The following SYBU variants were observed in gnomAD, a reference collection of about 807,000 sequenced individuals.
The protein encoded by SYBU is syntabulin.
In SYBU, 21 loss-of-function variants were observed where a neutral mutation model predicts 35.9. The ratio of observed to expected loss-of-function variants is 0.58; its 90% CI spans 0.41 to 0.84. SYBU has a LOEUF of 0.84. Among genes scored for constraint, SYBU ranks in the 40% least tolerant of loss-of-function variants. The pLI, the probability that SYBU is intolerant of heterozygous loss-of-function variation, is 0.00. For missense variants in SYBU, 768 were observed against 848.2 expected (o/e 0.91, Z 1.17); for synonymous variants, 319 against 324.3 (o/e 0.98, Z 0.18).
Position 109,659,187 on chromosome 8 carries a change from T to C in SYBU, c.-129+21524A>G, listed in dbSNP as rs114057004. ...AGCCATTAGAAGATGTGTGATGACT[T>C]TTCCAGTAATGTGGCTCAGCTTACA... On this transcript the variant is annotated intron_variant, in intron 1 of 5. Coordinates refer to the SYBU transcript ENST00000408889. Among the ~76,000 whole-genome samples the C allele has an allele frequency of 7.1e-3, 1,082 of 152,290 alleles. 10 individuals carry two copies. The highest frequency in any genetic ancestry group is 0.024 in the African/African-American group (983 of 41,562).
At chr8:109,600,063 G>T (rs750399941) in intron 3 of SYBU, among the ~76,000 whole-genome samples, 3 of 152,150 alleles carry the variant, frequency 2.0e-5, no homozygotes, top group Admixed American at 6.5e-5. Context: ...ACCCCACCAA[G>T]AATTTAACAA....
At chr8:109,649,506 C>A (rs752567620), upstream of SYBU, among the ~76,000 whole-genome samples, 2 of 152,044 alleles carry the variant, frequency 1.3e-5, no homozygotes, top group Non-Finnish European at 2.9e-5. Flanking sequence ...TATCTCTGCC[C>A]GACAAACGAG....
At chr8:109,576,058 A>C (rs748951734) in intron 6 of SYBU, 45 bp from the exon 7 acceptor site, 29 of 1,497,634 alleles carry the variant, frequency 1.9e-5, no homozygotes, top group African/African-American at 9.9e-5. Context: ...AAAAAAAAAA[A>C]AAAAAAAAAA....
rs73700660 is a variant in SYBU at position 109,584,716 on chromosome 8, T to C, written c.530+1344A>G. On this transcript the variant is annotated intron_variant, in intron 4 of 6. Coordinates refer to ENST00000276646, the MANE Select transcript of SYBU (RefSeq NM_001099754.2). The surrounding 1 kb of genome is among the most constrained non-coding windows in gnomAD (Gnocchi z 4.0). Reference sequence around the variant, plus strand: ...TAATGATAAAACTGTGCCCTGGGGGTCTCAGGTCGCCTTATAAACATCTGC... The same window carrying C: ...TAATGATAAAACTGTGCCCTGGGGGCCTCAGGTCGCCTTATAAACATCTGC... Among the ~76,000 whole-genome samples, 4,218 of 152,070 alleles carry C rather than the reference T, an allele frequency of 0.028. 167 individuals are homozygous for C. The highest frequency in any genetic ancestry group is 0.091 in the African/African-American group (3,757 of 41,452).
intron 3 of SYBU, among the ~76,000 whole-genome samples, chr8:109,601,084 A>C (rs995042638): frequency 3.9e-5 from 6 of 152,210 alleles, no homozygotes; most frequent in Admixed American, 6.5e-5. Context: ...CTGATTACAC[A>C]AAACCTTGAA....
intron 3 of SYBU, among the ~76,000 whole-genome samples, chr8:109,598,875 T>C (rs551444451): frequency 3.3e-5 from 5 of 152,322 alleles, no homozygotes; most frequent in East Asian, 3.9e-4. Flanking sequence ...GAGGTACAAT[T>C]ATTATTCCTA....
intron 2 of SYBU, among the ~76,000 whole-genome samples, chr8:109,629,118 G>A (rs1813305012): frequency 6.6e-6 from 1 of 152,182 alleles, no homozygotes; most frequent in Admixed American, 6.5e-5. Flanking sequence ...GAATGATGAT[G>A]AGGGCAAAGG....
At chr8:109,629,288 A>G (rs974051390) in intron 2 of SYBU, among the ~76,000 whole-genome samples, 1 of 152,236 alleles carries the variant, frequency 6.6e-6, no homozygotes, top group East Asian at 1.9e-4. Context: ...TATCTAGCTA[A>G]TATTTACTGA....
chr8:109,581,636 C>G (rs1823043916), intron 4 of SYBU, among the ~76,000 whole-genome samples: 1 of 152,178 alleles, frequency 6.6e-6, no homozygotes, highest in African/African-American at 2.4e-5. Context: ...TATAGTAGTA[C>G]TGCTTTCTGA....
At chr8:109,607,944 A>C in intron 3 of SYBU, 4 of 1,534,998 alleles carry the variant, frequency 2.6e-6, no homozygotes, top group Non-Finnish European at 3.5e-6. Context: ...TTCATGGCAA[A>C]CATTGCCTCT....
At chr8:109,648,257 AC>A (rs1815907823), upstream of SYBU, among the ~76,000 whole-genome samples, 1 of 129,620 alleles carries the variant, frequency 7.7e-6, no homozygotes, top group African/African-American at 4.0e-5. Flanking sequence ...ATATATATAT[AC>A]AATAATATAT....
chr8:109,591,734 G>A (rs1323806477), intron 3 of SYBU, among the ~76,000 whole-genome samples: 1 of 151,252 alleles, frequency 6.6e-6, no homozygotes, highest in Non-Finnish European at 1.5e-5. Context: ...GGATGGTCTC[G>A]ATCTCCTGAC....
At chr8:109,676,650 C>T (rs1227014178) in intron 1 of SYBU, among the ~76,000 whole-genome samples, 1 of 152,144 alleles carries the variant, frequency 6.6e-6, no homozygotes, top group Non-Finnish European at 1.5e-5. Context: ...TTGCTTAACT[C>T]CAATTTCACA....
chr8:109,669,368 A>G (rs3134324), intron 1 of SYBU, among the ~76,000 whole-genome samples: 38,689 of 135,846 alleles, frequency 0.28, 7,155 homozygotes, highest in East Asian at 0.5. Context: ...AAAAAAAAAA[A>G]CAACTGATCT....
intron 1 of SYBU, among the ~76,000 whole-genome samples, chr8:109,690,866 G>A (rs1817629529): frequency 6.6e-6 from 1 of 152,134 alleles, no homozygotes; most frequent in Non-Finnish European, 1.5e-5. Context: ...CTTGAAAAGT[G>A]TCCTCTGGGG....
chr8:109,632,112 C>T (rs1182414076), intron 2 of SYBU, among the ~76,000 whole-genome samples: 1 of 152,132 alleles, frequency 6.6e-6, no homozygotes, highest in Non-Finnish European at 1.5e-5. Context: ...AACAGTGGCA[C>T]GATCTCAGCT....
chr8:109,642,071 T>C (rs1814942808), intron 2 of SYBU, among the ~76,000 whole-genome samples: 1 of 152,140 alleles, frequency 6.6e-6, no homozygotes. Flanking sequence ...CCATCAATGA[T>C]AGACTGGATA....
In SYBU at chr8:109,575,493, C is replaced by G. The variant is rs1475675955; in HGVS notation, c.1405G>C (p.Glu469Gln). ...VHSTPGANVL[E>Q]LLPIVMGQEE... is the part of the protein sequence containing the mutation. ...TGACCCATGACTATGGGCAGCAGCT[C>G]CAGGACGTTAGCCCCAGGGGTGGAA... The change falls in exon 7 of 7, where the codon GAG becomes CAG. Residue 469 changes from glutamate to glutamine, a missense_variant. Glu to Gln is a conservative substitution (Grantham distance 29). Transcript: ENST00000276646. 6.2e-7 allele frequency: 1 copy of G among 1,614,152 alleles called. No individual in the cohort carries two copies. Among genetic ancestry groups the G allele is most frequent in the Non-Finnish European group, 8.5e-7 (1 of 1,180,016 alleles).
chr8:109,577,218 C>CA (rs1360821309), intron 6 of SYBU, among the ~76,000 whole-genome samples: 2 of 152,138 alleles, frequency 1.3e-5, no homozygotes, highest in Non-Finnish European at 2.9e-5. Flanking sequence ...ATGCCACCCT[C>CA]ACCCTGAGCT....
Sources: gnomAD v4.1 joint callset for allele counts (sites outside exome capture counted in the v4.1 genomes callset) on GRCh38, gnomAD v4.1.1 for gene constraint, Gnocchi (gnomAD v3.1) non-coding constraint, MANE v1.5 for transcripts, NCBI Gene and HGNC (gene_info 2026-07-23, HGNC 2026-07-21) for gene names.